The following PTPRN2 variants were observed in gnomAD, a reference collection of about 807,000 sequenced individuals.
PTPRN2 encodes the protein receptor-type tyrosine-protein phosphatase N2.
A neutral mutation model predicts 118.8 loss-of-function variants in PTPRN2; 74 were observed. The ratio of observed to expected loss-of-function variants is 0.62; its 90% confidence interval spans 0.52 to 0.76. The LOEUF (loss-of-function observed/expected upper bound fraction) is 0.76. Ranked by LOEUF, PTPRN2 falls within the 30% of genes least tolerant of loss-of-function variation. The pLI, the probability that PTPRN2 is intolerant of heterozygous loss-of-function variation, is 0.00. For missense variants in PTPRN2, 1,481 were observed against 1,394.4 expected (o/e 1.06, Z -0.99); for synonymous variants, 641 against 608.0 (o/e 1.05, Z -0.80).
At chr7:158,490,513 G>A (rs1039802017) in intron 1 of PTPRN2, among the ~76,000 whole-genome samples, 1 of 152,230 alleles carries the variant, frequency 6.6e-6, no homozygotes, top group Non-Finnish European at 1.5e-5. Flanking sequence ...AAAGGTTGGC[G>A]TTCGGCTCCA....
intron 11 of PTPRN2, among the ~76,000 whole-genome samples, chr7:157,982,290 G>C (rs1296351600): frequency 2.0e-5 from 1 of 49,292 alleles, no homozygotes; most frequent in African/African-American, 7.0e-5. Context: ...AATGCAGAGT[G>C]CAGGGTCCCC....
intron 2 of PTPRN2, among the ~76,000 whole-genome samples, chr7:158,434,837 T>C (rs796546819): frequency 1.1e-4 from 17 of 152,302 alleles, no homozygotes; most frequent in African/African-American, 4.1e-4. Context: ...CACGGGACCT[T>C]GATTTATCAT....
At position 157,549,015 on chromosome 7, in the gene PTPRN2, A is replaced by C. The variant is rs1798464777; in HGVS notation, c.2907T>G (p.Ala969=). 6.8e-6 allele frequency: 11 copies of C among 1,614,034 alleles called. No homozygotes were observed. The highest frequency in any genetic ancestry group is 9.3e-6 in the Non-Finnish European group (11 of 1,180,010). Residue 969 remains alanine, a synonymous_variant, in exon 22 of 23, where the codon GCT becomes GCG. Transcript: ENST00000389418. ...GGGTCGCTGCGATATCAATCTCTTT[A>C]GCACCTGCAACAAACCACAAATTGG... ...DMVLNKMAKG[A]KEIDIAATLE... is the part of the protein sequence containing the mutation.
intron 11 of PTPRN2, among the ~76,000 whole-genome samples, chr7:158,023,843 CGTGCAGGCAAACACAT>C (rs1462192266): frequency 6.6e-6 from 1 of 151,892 alleles, no homozygotes; most frequent in Non-Finnish European, 1.5e-5. Flanking sequence ...GGCACACACA[CGTGCAGGCAAACACAT>C]AGGGCCTGGC....
intron 1 of PTPRN2, among the ~76,000 whole-genome samples, chr7:158,569,974 G>A (rs997164499): frequency 6.6e-6 from 1 of 152,158 alleles, no homozygotes; most frequent in African/African-American, 2.4e-5. Context: ...TGGCCAGCGG[G>A]TGCCGCTCGC....
intron 12 of PTPRN2, among the ~76,000 whole-genome samples, chr7:157,714,877 C>T (rs377614165): frequency 1.2e-4 from 19 of 152,050 alleles, no homozygotes; most frequent in African/African-American, 4.3e-4. Flanking sequence ...TCTAGGTCTC[C>T]CGCTTTCTGA....
intron 12 of PTPRN2, among the ~76,000 whole-genome samples, chr7:157,896,511 G>A (rs551889072): frequency 4.6e-5 from 7 of 151,908 alleles, no homozygotes; most frequent in Non-Finnish European, 8.8e-5. Flanking sequence ...TCAGGTGCGC[G>A]TGGGAAGGAG....
chr7:157,884,538 C>A (rs1796347465), intron 12 of PTPRN2, among the ~76,000 whole-genome samples: 1 of 152,182 alleles, frequency 6.6e-6, no homozygotes, highest in African/African-American at 2.4e-5. Flanking sequence ...TGTTCTCATG[C>A]TGCTGATAAA....
At chr7:157,578,583 T>G (rs1179638215) in intron 17 of PTPRN2, among the ~76,000 whole-genome samples, 1 of 152,242 alleles carries the variant, frequency 6.6e-6, no homozygotes, top group Non-Finnish European at 1.5e-5. Context: ...CCGAAAGGCT[T>G]CTTTTCAAAG....
chr7:158,292,216 T>C (rs1336596768), intron 3 of PTPRN2, among the ~76,000 whole-genome samples: 1 of 152,222 alleles, frequency 6.6e-6, no homozygotes, highest in Admixed American at 6.5e-5. Flanking sequence ...AGACATCTAA[T>C]TCTCCTGAGG....
At chr7:158,187,342 T>C (rs1161728179) in intron 5 of PTPRN2, among the ~76,000 whole-genome samples, 1 of 152,240 alleles carries the variant, frequency 6.6e-6, no homozygotes, top group East Asian at 1.9e-4. Flanking sequence ...AAAACAATGA[T>C]TTATAAAATA....
In PTPRN2 at chr7:157,801,048, T is replaced by C. The variant is rs1805259296; in HGVS notation, c.1788+97625A>G. Among the ~76,000 whole-genome samples the C allele has an allele frequency of 6.8e-6, 1 of 147,304 alleles. No homozygotes were observed. Among genetic ancestry groups the C allele is most frequent in the African/African-American group, 2.5e-5 (1 of 39,430 alleles). On this transcript the variant is annotated intron_variant, in intron 12 of 22. Transcript: ENST00000389418. This position sits in a 1 kb window ranked among gnomAD's most constrained non-coding sequence, Gnocchi z 4.2. The stretch of plus-strand genomic sequence containing the variant: ...ATATATATACACATATATATACACA[T>C]ATATACACATATATATACACATATA...
rs1586361663 is a variant in PTPRN2 at position 158,338,304 on chromosome 7, C to A, written c.164-21372G>T. On this transcript the variant is annotated intron_variant, in intron 2 of 22. Coordinates refer to ENST00000389418, the MANE Select transcript of PTPRN2 (RefSeq NM_002847.5). ...TGACACCTGCTGACGTCACTCACAC[C>A]CACACTGTCACCATAAGAGCTGACA... is the stretch of plus-strand genomic sequence containing the variant. 3.1e-5 allele frequency among the ~76,000 whole-genome samples: 2 copies of A among 64,446 alleles called. 1 individual carries two copies. Among genetic ancestry groups the A allele is most frequent in the Non-Finnish European group, 6.0e-5 (2 of 33,326 alleles). The allele number at this position is 64,446 out of a possible 152,430, so 42.3% of individuals were successfully genotyped here.
At chr7:157,693,977 C>T (rs543428762) in intron 12 of PTPRN2, among the ~76,000 whole-genome samples, 1 of 152,378 alleles carries the variant, frequency 6.6e-6, no homozygotes, top group African/African-American at 2.4e-5. Flanking sequence ...CAGACCCTGC[C>T]GTCTGGGGGT....
intron 11 of PTPRN2, among the ~76,000 whole-genome samples, chr7:158,016,377 G>A (rs528360062): frequency 2.0e-4 from 31 of 152,318 alleles, no homozygotes; most frequent in African/African-American, 6.7e-4. Flanking sequence ...GGGGGAGTGG[G>A]CTGTGAGTGT....
At chr7:158,489,630 C>G in intron 2 of PTPRN2, 105 bp downstream of exon 2, 4 of 1,207,886 alleles carry the variant, frequency 3.3e-6, no homozygotes, top group South Asian at 1.6e-5. Flanking sequence ...GCGCCCCGGG[C>G]GGCCCCAGCT....
intron 11 of PTPRN2, among the ~76,000 whole-genome samples, chr7:157,947,721 C>G (rs1270578461): frequency 6.6e-6 from 1 of 152,162 alleles, no homozygotes; most frequent in Non-Finnish European, 1.5e-5. Context: ...TCAACTAACT[C>G]CAAGTAGAAT....
chr7:158,230,749 AG>A (rs1829114176), intron 3 of PTPRN2, among the ~76,000 whole-genome samples: 1 of 152,232 alleles, frequency 6.6e-6, no homozygotes. Flanking sequence ...ACAGAAAGCA[AG>A]CAAGGCAACA....
At chr7:157,772,046 A>G (rs565629564) in intron 12 of PTPRN2, among the ~76,000 whole-genome samples, 1 of 151,798 alleles carries the variant, frequency 6.6e-6, no homozygotes, top group African/African-American at 2.4e-5. Flanking sequence ...ACAGACACCC[A>G]CACATAGAAA....
Sources: gnomAD v4.1 joint callset for allele counts (sites outside exome capture counted in the v4.1 genomes callset) on GRCh38, gnomAD v4.1.1 for gene constraint, Gnocchi (gnomAD v3.1) non-coding constraint, MANE v1.5 for transcripts, NCBI Gene and HGNC (gene_info 2026-07-23, HGNC 2026-07-21) for gene names.